TAFA4: variants seen among roughly 807,000 people sequenced by gnomAD.
The protein encoded by TAFA4 is TAFA chemokine like family member 4.
A neutral mutation model predicts 21.1 loss-of-function variants in TAFA4; 20 were observed. The ratio of observed to expected loss-of-function variants is 0.95; its 90% CI spans 0.67 to 1.38. TAFA4 has a LOEUF of 1.38. Ranked by LOEUF, TAFA4 falls within the 40% of genes most tolerant of loss-of-function variation. The pLI is 0.00. For synonymous variants in TAFA4, 71 were observed against 67.4 expected (o/e 1.05, Z -0.26); for missense variants, 211 against 180.9 (o/e 1.17, Z -0.95).
At chr3:68,853,203 A>T (rs574039709) in intron 3 of TAFA4, among the ~76,000 whole-genome samples, 32 of 151,946 alleles carry the variant, frequency 2.1e-4, no homozygotes, top group Non-Finnish European at 3.8e-4. Flanking sequence ...AGCTTTAATT[A>T]CTATTATTAT....
rs545746048 is a variant in TAFA4 at position 68,837,216 on chromosome 3, A to G, written c.130+43514T>C. On this transcript the variant is annotated intron_variant, in intron 3 of 5. Transcript: ENST00000295569. Reference sequence around the variant, plus strand: ...CCAACTCTGGCTCTAATCTCTTGCTATGCTAAATGATGTCCAAGAACAGGC... The same window carrying G: ...CCAACTCTGGCTCTAATCTCTTGCTGTGCTAAATGATGTCCAAGAACAGGC... 1.6e-4 allele frequency among the ~76,000 whole-genome samples: 25 copies of G among 152,362 alleles called. No individual in the cohort carries two copies. The South Asian group carries it at 5.0e-3, about 30-fold the overall frequency.
intron 3 of TAFA4, among the ~76,000 whole-genome samples, chr3:68,778,646 TTC>T (rs1385616567): frequency 1.3e-5 from 2 of 152,200 alleles, no homozygotes; most frequent in Admixed American, 1.3e-4. Flanking sequence ...CTCTCTCTCA[TTC>T]TCTCTTTGCC....
intron 3 of TAFA4, among the ~76,000 whole-genome samples, chr3:68,850,303 C>T (rs1048844533): frequency 7.9e-5 from 12 of 152,172 alleles, no homozygotes; most frequent in Non-Finnish European, 1.6e-4. Flanking sequence ...CCACAATGTA[C>T]ACACCACTGT....
intron 3 of TAFA4, among the ~76,000 whole-genome samples, chr3:68,798,753 C>T (rs1473561822): frequency 6.6e-6 from 1 of 152,032 alleles, no homozygotes; most frequent in East Asian, 1.9e-4. Context: ...CTTGTTAAAA[C>T]TTGTAAAACT....
chr3:68,748,073 G>C (rs1176290349), intron 4 of TAFA4, among the ~76,000 whole-genome samples: 1 of 152,112 alleles, frequency 6.6e-6, no homozygotes, highest in Non-Finnish European at 1.5e-5. Flanking sequence ...TTCTCCCTTT[G>C]AGTCCTTCAT....
chr3:68,888,573 C>G (rs905447327), intron 1 of TAFA4, among the ~76,000 whole-genome samples: 8 of 152,090 alleles, frequency 5.3e-5, no homozygotes, highest in African/African-American at 1.9e-4. Flanking sequence ...AGTCTGTTTT[C>G]TGCTGCTGTA....
At chr3:68,803,648 C>T (rs1192948820) in intron 3 of TAFA4, among the ~76,000 whole-genome samples, 3 of 151,406 alleles carry the variant, frequency 2.0e-5, no homozygotes, top group Non-Finnish European at 4.4e-5. Context: ...TTTGATTCCT[C>T]TCTGACCCTG....
chr3:68,909,182 A>G (rs1225147882), intron 1 of TAFA4, among the ~76,000 whole-genome samples: 1 of 152,160 alleles, frequency 6.6e-6, no homozygotes, highest in Non-Finnish European at 1.5e-5. Context: ...AAACCCCCCA[A>G]AAAAAAAAGG....
intron 3 of TAFA4, among the ~76,000 whole-genome samples, chr3:68,807,145 A>G (rs926144626): frequency 2.6e-5 from 4 of 152,228 alleles, no homozygotes; most frequent in African/African-American, 9.6e-5. Context: ...AGGGCAGCTA[A>G]TCCACAGGCT....
At chr3:68,927,775 G>A (rs1010979119) in intron 1 of TAFA4, among the ~76,000 whole-genome samples, 13 of 151,922 alleles carry the variant, frequency 8.6e-5, no homozygotes, top group African/African-American at 3.1e-4. Context: ...GTGCACACCT[G>A]TAGTTCTAGC....
intron 1 of TAFA4, among the ~76,000 whole-genome samples, chr3:68,909,718 C>T (rs766587197): frequency 2.6e-5 from 4 of 152,190 alleles, no homozygotes; most frequent in African/African-American, 7.2e-5. Flanking sequence ...AATCCTGACA[C>T]GTAATTCACA....
intron 3 of TAFA4, among the ~76,000 whole-genome samples, chr3:68,876,618 C>T (rs1267159490): frequency 6.6e-6 from 1 of 152,078 alleles, no homozygotes; most frequent in African/African-American, 2.4e-5. Context: ...GGACAGAAAA[C>T]ATGGGATCAA....
intron 3 of TAFA4, among the ~76,000 whole-genome samples, chr3:68,862,414 C>T (rs2089356642): frequency 6.6e-6 from 1 of 152,118 alleles, no homozygotes; most frequent in Non-Finnish European, 1.5e-5. Flanking sequence ...AGATGTGTTG[C>T]TGTTCGTGCC....
At chr3:68,791,327 A>G (rs1270924426) in intron 3 of TAFA4, among the ~76,000 whole-genome samples, 4 of 152,226 alleles carry the variant, frequency 2.6e-5, no homozygotes, top group African/African-American at 9.6e-5. Context: ...ATGTGAAGAC[A>G]GAGGCAGAGA....
intron 2 of TAFA4, among the ~76,000 whole-genome samples, chr3:68,883,550 A>T (rs2089640080): frequency 2.0e-5 from 3 of 152,218 alleles, no homozygotes; most frequent in Admixed American, 2.0e-4. Context: ...ACCCACACTC[A>T]AAGGAAAGCA....
At chr3:68,877,720 C>T (rs1272799773) in intron 3 of TAFA4, among the ~76,000 whole-genome samples, 2 of 152,170 alleles carry the variant, frequency 1.3e-5, no homozygotes, top group African/African-American at 4.8e-5. Context: ...AAAAACAAGC[C>T]TTTTTCTCTT....
intron 3 of TAFA4, among the ~76,000 whole-genome samples, chr3:68,783,047 T>A (rs990111530): frequency 1.3e-5 from 2 of 152,166 alleles, no homozygotes; most frequent in Non-Finnish European, 2.9e-5. Context: ...TGTCAGTAGA[T>A]GCAGAAAAAA....
At chr3:68,801,163 T>C (rs1244247280) in intron 3 of TAFA4, among the ~76,000 whole-genome samples, 1 of 152,196 alleles carries the variant, frequency 6.6e-6, no homozygotes, top group East Asian at 1.9e-4. Flanking sequence ...TTTATTTTTA[T>C]AGAGATAAAA....
intron 3 of TAFA4, among the ~76,000 whole-genome samples, chr3:68,774,626 C>T (rs1703018477): frequency 6.6e-6 from 1 of 152,080 alleles, no homozygotes; most frequent in African/African-American, 2.4e-5. Context: ...AACTAGTAGC[C>T]ACTTGGAAAG....
Sources: gnomAD v4.1 joint callset for allele counts (sites outside exome capture counted in the v4.1 genomes callset) on GRCh38, gnomAD v4.1.1 for gene constraint, MANE v1.5 for transcripts, NCBI Gene and HGNC (gene_info 2026-07-23, HGNC 2026-07-21) for gene names.